The following CDH7 variants were observed in gnomAD, a reference collection of about 807,000 sequenced individuals.
CDH7 encodes the protein cadherin-7.
In CDH7, 25 loss-of-function variants were observed where a neutral mutation model predicts 71.8. That is an observed-to-expected ratio of 0.35 (90% CI 0.25 to 0.49). The LOEUF is 0.49. Among genes scored for constraint, CDH7 ranks in the 20% least tolerant of loss-of-function variants. The probability of loss-of-function intolerance (pLI) is 0.99; values close to 1 mark genes in which losing one functional copy is unlikely to be tolerated. For synonymous variants in CDH7, 381 were observed against 363.8 expected, an observed-to-expected ratio of 1.05 and a Z score of -0.54; for missense variants, 862 against 974.6, an observed-to-expected ratio of 0.88 and a Z score of 1.54.
At chr18:65,799,339 A>G (rs1911029973) in intron 2 of CDH7, among the ~76,000 whole-genome samples, 1 of 152,068 alleles carries the variant, frequency 6.6e-6, no homozygotes, top group Non-Finnish European at 1.5e-5. Flanking sequence ...TGTAGGAAAG[A>G]GAAGCATACA....
intron 6 of CDH7, among the ~76,000 whole-genome samples, chr18:65,840,852 A>T (rs1912706970): frequency 6.6e-6 from 1 of 152,176 alleles, no homozygotes; most frequent in African/African-American, 2.4e-5. Context: ...TTTAGAAATT[A>T]CTTTTATTTT....
At chr18:65,865,449 A>AT (rs1225136837) in intron 11 of CDH7, 1 of 151,992 alleles carries the variant, frequency 6.6e-6, no homozygotes, top group Non-Finnish European at 1.5e-5. Flanking sequence ...CTAAGGATCA[A>AT]TTTTTTTGTG....
chr18:65,874,112 G>A (rs1217898165), intron 11 of CDH7, among the ~76,000 whole-genome samples: 1 of 151,922 alleles, frequency 6.6e-6, no homozygotes, highest in Non-Finnish European at 1.5e-5. Flanking sequence ...CCTTCATATG[G>A]CTTACAGTTT....
intron 6 of CDH7, among the ~76,000 whole-genome samples, chr18:65,830,287 A>C (rs1912289555): frequency 6.6e-6 from 1 of 152,178 alleles, no homozygotes; most frequent in Admixed American, 6.5e-5. Context: ...TTGCAAATAG[A>C]GTGGATTACA....
chr18:65,776,454 A>G (rs1909948454), intron 2 of CDH7, among the ~76,000 whole-genome samples: 1 of 151,856 alleles, frequency 6.6e-6, no homozygotes. Context: ...GGATTGTTCT[A>G]TTCTCAAATA....
At chr18:65,864,529 T>TA (rs939170565) in intron 11 of CDH7, among the ~76,000 whole-genome samples, 3 of 151,878 alleles carry the variant, frequency 2.0e-5, no homozygotes, top group Admixed American at 1.3e-4. Context: ...TAAAACTTAA[T>TA]AAAAAAGATG....
At chr18:65,869,488 C>T (rs1913861620) in intron 11 of CDH7, among the ~76,000 whole-genome samples, 1 of 148,794 alleles carries the variant, frequency 6.7e-6, no homozygotes, top group African/African-American at 2.5e-5. Flanking sequence ...TTCTAAGACT[C>T]ATTCTGCTTT....
chr18:65,874,642 A>C (rs1257953633), intron 11 of CDH7, among the ~76,000 whole-genome samples: 2 of 152,134 alleles, frequency 1.3e-5, no homozygotes, highest in Non-Finnish European at 2.9e-5. Context: ...ATGTAAAAAA[A>C]TCTGCACTTC....
intron 7 of CDH7, among the ~76,000 whole-genome samples, chr18:65,857,367 A>T (rs1341372825): frequency 2.0e-5 from 3 of 149,256 alleles, no homozygotes; most frequent in Non-Finnish European, 4.4e-5. Flanking sequence ...ATAATAAAAT[A>T]GCCAAATATG....
At chr18:65,854,555 A>G (rs1429943435) in intron 7 of CDH7, among the ~76,000 whole-genome samples, 1 of 152,116 alleles carries the variant, frequency 6.6e-6, no homozygotes, top group Non-Finnish European at 1.5e-5. Context: ...GACTATTGAT[A>G]ATAGAAGCAA....
At position 65,781,894 on chromosome 18, in the gene CDH7, TTCTCTCTA is replaced by T. The variant is rs1337553411; in HGVS notation, c.210+18846_210+18853del. Among the ~76,000 whole-genome samples, 7 of 59,358 alleles carry T rather than the reference TTCTCTCTA, an allele frequency of 1.2e-4. 1 individual carries two copies. Among genetic ancestry groups the T allele is most frequent in the Non-Finnish European group, 1.5e-4 (5 of 32,300 alleles). The allele number at this position is 59,358 out of a possible 152,430, so 38.9% of individuals were successfully genotyped here. On this transcript the variant is annotated intron_variant, in intron 2 of 11. Transcript: ENST00000397968. The stretch of plus-strand genomic sequence containing the variant: ...TCTCTCTCTCTGTCTCTCTCTCTCT[TTCTCTCTA>T]TCTTTCTCTCTTTCTCTCTTTCTCT...
At chr18:65,828,425 ACT>A (rs1409126425) in intron 6 of CDH7, among the ~76,000 whole-genome samples, 1 of 152,008 alleles carries the variant, frequency 6.6e-6, no homozygotes, top group Non-Finnish European at 1.5e-5. Context: ...TAAATATATT[ACT>A]CTTTTTGGAA....
intron 11 of CDH7, among the ~76,000 whole-genome samples, chr18:65,876,398 T>G (rs1176841827): frequency 6.6e-6 from 1 of 152,188 alleles, no homozygotes; most frequent in African/African-American, 2.4e-5. Flanking sequence ...TTTATTTTTT[T>G]GAAACAATCT....
intron 7 of CDH7, among the ~76,000 whole-genome samples, chr18:65,849,339 TTTTTCTTTTCTTTTCTTTTC>T (rs71167161): frequency 0.015 from 1,236 of 82,656 alleles, 37 homozygotes; most frequent in East Asian, 0.06. Flanking sequence ...TAGCCTTTCC[TTTTTCTTTTCTTTTCTTTTC>T]TTTTCTTTTC....
chr18:65,849,884 C>T (rs996464307), intron 7 of CDH7, among the ~76,000 whole-genome samples: 3 of 151,870 alleles, frequency 2.0e-5, no homozygotes, highest in African/African-American at 2.4e-5. Context: ...TTATTGAGGG[C>T]CCAGCACGGT....
chr18:65,820,726 T>C (rs538245009), intron 4 of CDH7, among the ~76,000 whole-genome samples: 20 of 152,254 alleles, frequency 1.3e-4, no homozygotes, highest in African/African-American at 4.6e-4. Context: ...AAAAAGACAA[T>C]TAGAAGTGTG....
chr18:65,772,717 G>A (rs1726808574), intron 2 of CDH7, among the ~76,000 whole-genome samples: 1 of 152,086 alleles, frequency 6.6e-6, no homozygotes, highest in South Asian at 2.1e-4. Context: ...ATTTTTACAA[G>A]TTTAATATCT....
chr18:65,763,162 A>C, intron 2 of CDH7, 110 bp downstream of exon 2: 5 of 544,456 alleles, frequency 9.2e-6, no homozygotes, highest in Non-Finnish European at 1.5e-5. Flanking sequence ...GGGGATGGTA[A>C]ACACAAGACA....
intron 2 of CDH7, among the ~76,000 whole-genome samples, 161 bp downstream of exon 2, chr18:65,763,213 C>G (rs1481305254): frequency 6.6e-6 from 1 of 152,178 alleles, no homozygotes; most frequent in African/African-American, 2.4e-5. Context: ...TTGGCGATAG[C>G]CACTGCGAAG....
Sources: gnomAD v4.1 joint callset for allele counts (sites outside exome capture counted in the v4.1 genomes callset) on GRCh38, gnomAD v4.1.1 for gene constraint, MANE v1.5 for transcripts, NCBI Gene and HGNC (gene_info 2026-07-23, HGNC 2026-07-21) for gene names.